The following PRKCZ variants were observed in gnomAD, a reference collection of about 807,000 sequenced individuals.
PRKCZ encodes the protein protein kinase C zeta type.
Under a neutral mutation model 79.5 loss-of-function variants are expected in PRKCZ, and 33 were observed. That is an observed-to-expected ratio of 0.41 (90% confidence interval 0.31 to 0.55). The LOEUF (loss-of-function observed/expected upper bound fraction) is 0.55, where lower values mean the gene tolerates loss of function less well. Among genes scored for constraint, PRKCZ ranks in the 20% least tolerant of loss-of-function variants. PRKCZ has a pLI of 0.19. For synonymous variants in PRKCZ, 342 were observed against 320.9 expected (o/e 1.07, Z -0.70); for missense variants, 578 against 813.5 (o/e 0.71, Z 3.52).
At chr1:2,104,099 A>G (rs546054573) in intron 4 of PRKCZ, among the ~76,000 whole-genome samples, 21 of 151,906 alleles carry the variant, frequency 1.4e-4, no homozygotes, top group East Asian at 2.0e-4. Flanking sequence ...ATGGTCCAGA[A>G]AGGTCTTGAG....
chr1:2,092,075 C>G (rs534111775), intron 4 of PRKCZ, among the ~76,000 whole-genome samples: 2 of 152,192 alleles, frequency 1.3e-5, no homozygotes, highest in Non-Finnish European at 2.9e-5. Context: ...TGTGCGGCCG[C>G]AGAGTGAGAC....
intron 4 of PRKCZ, among the ~76,000 whole-genome samples, chr1:2,083,943 G>A (rs866565798): frequency 3.3e-5 from 5 of 152,168 alleles, no homozygotes; most frequent in Admixed American, 2.6e-4. Context: ...TTTAAAAATC[G>A]TATGTTGGCC....
At chr1:2,084,284 A>G (rs1390687329) in intron 4 of PRKCZ, among the ~76,000 whole-genome samples, 1 of 152,182 alleles carries the variant, frequency 6.6e-6, no homozygotes, top group East Asian at 1.9e-4. Context: ...GTTAGGAAAT[A>G]TTGCTCCACT....
Position 2,119,213 on chromosome 1 carries a change from C to CTTT in PRKCZ, c.335-16033_335-16031dup, listed in dbSNP as rs201938015. On this transcript the variant is annotated intron_variant, in intron 4 of 17. Transcript: ENST00000378567. ...ATAACAGTTTAATTCTTATTTTTTCCTTTTTTTTTTTTTTTTTTGAGATGG... is the reference window on the plus strand; with the variant it reads ...ATAACAGTTTAATTCTTATTTTTTCCTTTTTTTTTTTTTTTTTTTTTGAGATGG... Among the ~76,000 whole-genome samples the CTTT allele has an allele frequency of 3.9e-4, 49 of 126,408 alleles. No homozygotes were observed. In the East Asian group the frequency reaches 4.9e-3, roughly 13 times the overall value. The allele number at this position is 126,408 out of a possible 152,430, so 82.9% of individuals were successfully genotyped here. A position where few individuals can be genotyped will look rare whatever the true frequency, so the allele number is the denominator to read the frequency against.
chr1:2,081,965 G>A (rs1171789613), intron 4 of PRKCZ, among the ~76,000 whole-genome samples: 1 of 152,226 alleles, frequency 6.6e-6, no homozygotes, highest in African/African-American at 2.4e-5. Context: ...CCTGCTGGGT[G>A]GGCAGTCCTC....
At position 2,127,344 on chromosome 1, in the gene PRKCZ, A is replaced by T. The variant is rs201664592; in HGVS notation, c.335-7918A>T. 7.1e-4 allele frequency among the ~76,000 whole-genome samples: 27 copies of T among 38,286 alleles called. No individual in the cohort carries two copies. The highest frequency in any genetic ancestry group is 3.6e-3 in the Admixed American group (13 of 3,564). The allele number at this position is 38,286 out of a possible 152,430, so 25.1% of individuals were successfully genotyped here. ...GTTAGAAACGGGAAGTTTGAGTTGCAGGCTTGCGATCCGGGCAGGTCCCTC... is the reference window on the plus strand; with the variant it reads ...GTTAGAAACGGGAAGTTTGAGTTGCTGGCTTGCGATCCGGGCAGGTCCCTC... On this transcript the variant is annotated intron_variant, in intron 4 of 17. Coordinates refer to ENST00000378567, the MANE Select transcript of PRKCZ (RefSeq NM_002744.6). The surrounding 1 kb of genome is among the most constrained non-coding windows in gnomAD (Gnocchi z 5.1).
At chr1:2,101,089 C>G (rs1020934363) in intron 4 of PRKCZ, among the ~76,000 whole-genome samples, 1 of 151,218 alleles carries the variant, frequency 6.6e-6, no homozygotes, top group Non-Finnish European at 1.5e-5. Context: ...AGCGTCTCCT[C>G]TGGGACTGGC....
intron 4 of PRKCZ, among the ~76,000 whole-genome samples, chr1:2,073,068 G>A (rs1006603118): frequency 2.6e-5 from 4 of 152,148 alleles, no homozygotes; most frequent in African/African-American, 7.2e-5. Flanking sequence ...ACCCAGCGGC[G>A]GTGGCGGCTC....
At chr1:2,091,936 A>G (rs1665582452) in intron 4 of PRKCZ, among the ~76,000 whole-genome samples, 1 of 152,146 alleles carries the variant, frequency 6.6e-6, no homozygotes, top group Non-Finnish European at 1.5e-5. Context: ...TCTTTATAAA[A>G]TCTTTATAAA....
chr1:2,182,019 C>T (rs1686707693), intron 16 of PRKCZ: 1 of 366,852 alleles, frequency 2.7e-6, no homozygotes, highest in South Asian at 2.0e-5. Context: ...GCCTGTGGCC[C>T]AGCTTTGAGA....
chr1:2,145,672 G>C (rs1334312062), intron 6 of PRKCZ, among the ~76,000 whole-genome samples: 5 of 152,162 alleles, frequency 3.3e-5, no homozygotes, highest in Non-Finnish European at 5.9e-5. Context: ...CCAACACTTT[G>C]GGAGGCCAAG....
At chr1:2,179,576 C>T (rs944042737) in intron 16 of PRKCZ, among the ~76,000 whole-genome samples, 1 of 152,246 alleles carries the variant, frequency 6.6e-6, no homozygotes, top group Non-Finnish European at 1.5e-5. Flanking sequence ...GCTGCCCAAC[C>T]CCACGTGTCC....
chr1:2,136,165 C>T (rs373729752), intron 5 of PRKCZ, among the ~76,000 whole-genome samples: 11 of 152,334 alleles, frequency 7.2e-5, no homozygotes, highest in East Asian at 5.8e-4. Context: ...TCTCCTGGAG[C>T]GGCCTCAAGT....
At position 2,148,860 on chromosome 1, in the gene PRKCZ, C is replaced by G. The variant is rs574007909; in HGVS notation, c.635-12C>G. The G allele has an allele frequency of 1.2e-6, 2 of 1,613,680 alleles. No individual in the cohort carries two copies. The highest frequency in any genetic ancestry group is 1.7e-5 in the Admixed American group (1 of 60,018). The stretch of plus-strand genomic sequence containing the variant: ...CACCGTAACGCCCCTTCCTTCCTCC[C>G]TCTCTCACCAGTTGCTTACATTTCC... On this transcript the variant is annotated splice_polypyrimidine_tract_variant and intron_variant, in intron 7 of 17. Coordinates refer to ENST00000378567, the MANE Select transcript of PRKCZ (RefSeq NM_002744.6).
intron 4 of PRKCZ, among the ~76,000 whole-genome samples, chr1:2,100,392 G>T (rs1667239174): frequency 6.6e-6 from 1 of 152,200 alleles, no homozygotes; most frequent in Non-Finnish European, 1.5e-5. Flanking sequence ...GGCCCCAGCT[G>T]CCCCTTCCTC....
At chr1:2,093,564 G>A (rs1197200531) in intron 4 of PRKCZ, among the ~76,000 whole-genome samples, 2 of 152,146 alleles carry the variant, frequency 1.3e-5, no homozygotes, top group African/African-American at 2.4e-5. Context: ...CCTGGAAAAG[G>A]TCCTGGTGAC....
rs1207617540 is a variant in PRKCZ, at chr1:2,050,622, G to T, written c.-9G>T. 3.3e-6 allele frequency: 4 copies of T among 1,223,572 alleles called. No individual in the cohort carries two copies. In the Admixed American group the frequency reaches 1.7e-4, roughly 52 times the overall value. 75.8% of individuals were successfully genotyped at this position (1,223,572 alleles called of 1,614,324 possible). The stretch of plus-strand genomic sequence containing the variant: ...GGCGCAGCGCTGACGGCGGCGGGGG[G>T]AGCGCGCCATGCCCAGCAGGACCGG... On this transcript the variant is annotated 5_prime_UTR_variant, in exon 1 of 18. Transcript: ENST00000378567.
chr1:2,068,432 C>T (rs1661302172), intron 4 of PRKCZ, among the ~76,000 whole-genome samples: 1 of 152,238 alleles, frequency 6.6e-6, no homozygotes, highest in African/African-American at 2.4e-5. Context: ...GATTTGTAGA[C>T]ATCACTCCAG....
intron 4 of PRKCZ, among the ~76,000 whole-genome samples, chr1:2,069,414 G>A (rs1661385578): frequency 6.6e-6 from 1 of 152,178 alleles, no homozygotes; most frequent in Admixed American, 6.5e-5. Context: ...AAAGTTCCTG[G>A]GGCTCCACCA....
Sources: allele counts gnomAD v4.1 joint callset (sites outside exome capture counted in the v4.1 genomes callset), GRCh38; gene constraint gnomAD v4.1.1; non-coding constraint Gnocchi (gnomAD v3.1); transcripts MANE v1.5; gene names NCBI Gene and HGNC (gene_info 2026-07-23, HGNC 2026-07-21).